Variants in SYN3 observed in about 807,000 individuals in gnomAD.
SYN3 encodes synapsin III, also known as synapsin-3.
Under a neutral mutation model 65.8 loss-of-function variants are expected in SYN3, and 35 were observed. The ratio of observed to expected loss-of-function variants is 0.53; its 90% CI spans 0.41 to 0.70. The LOEUF (loss-of-function observed/expected upper bound fraction) is 0.70. Ranked by LOEUF, SYN3 falls within the 30% of genes least tolerant of loss-of-function variation. The pLI, the probability that SYN3 is intolerant of heterozygous loss-of-function variation, is 0.00. For missense variants in SYN3, 680 were observed against 749.0 expected, an observed-to-expected ratio of 0.91 and a Z score of 1.08; for synonymous variants, 270 against 292.9, an observed-to-expected ratio of 0.92 and a Z score of 0.80.
chr22:33,012,060 C>A (rs1033159213), intron 1 of SYN3, among the ~76,000 whole-genome samples: 23 of 152,136 alleles, frequency 1.5e-4, no homozygotes, highest in African/African-American at 5.5e-4. Flanking sequence ...TTTATTACTT[C>A]CTTTCTTCTC....
intron 3 of SYN3, among the ~76,000 whole-genome samples, chr22:32,954,504 T>C (rs887071461): frequency 5.9e-5 from 9 of 152,278 alleles, no homozygotes; most frequent in African/African-American, 2.2e-4. Context: ...GTCCCATTGC[T>C]ATGAGCTGGG....
intron 6 of SYN3, among the ~76,000 whole-genome samples, chr22:32,762,590 G>A (rs2045512547): frequency 6.6e-6 from 1 of 151,802 alleles, no homozygotes; most frequent in Admixed American, 6.6e-5. Flanking sequence ...AGACCTTGGG[G>A]AGGTCACTTC....
chr22:32,553,901 G>T (rs889046359), intron 7 of SYN3, among the ~76,000 whole-genome samples: 1 of 152,292 alleles, frequency 6.6e-6, no homozygotes, highest in Non-Finnish European at 1.5e-5. Context: ...TGGGAGAAAG[G>T]CTGGCTTTGA....
intron 6 of SYN3, among the ~76,000 whole-genome samples, chr22:32,769,580 G>A (rs999114749): frequency 6.0e-5 from 9 of 150,070 alleles, no homozygotes; most frequent in South Asian, 2.1e-4. Context: ...ACAGTGGCGC[G>A]ATCTCGGCTC....
intron 1 of SYN3, among the ~76,000 whole-genome samples, chr22:33,038,808 G>A (rs533822772): frequency 8.5e-4 from 130 of 152,238 alleles, no homozygotes; most frequent in Non-Finnish European, 4.0e-4. Flanking sequence ...AGCAGCTCTC[G>A]CACCCCTAAA....
chr22:32,756,817 C>T (rs973662358), intron 6 of SYN3, among the ~76,000 whole-genome samples: 2 of 152,192 alleles, frequency 1.3e-5, no homozygotes, highest in Non-Finnish European at 2.9e-5. Context: ...CCTGCAGAAC[C>T]ATGAGCCAGT....
chr22:32,804,463 T>G (rs1484240673), intron 6 of SYN3, among the ~76,000 whole-genome samples: 1 of 152,210 alleles, frequency 6.6e-6, no homozygotes, highest in Non-Finnish European at 1.5e-5. Context: ...CAGTCAACTT[T>G]GTAGCCCCCT....
intron 3 of SYN3, among the ~76,000 whole-genome samples, chr22:32,963,288 T>A (rs1192948637): frequency 6.8e-6 from 1 of 147,422 alleles, no homozygotes; most frequent in Non-Finnish European, 1.5e-5. Flanking sequence ...GGTTTCACCA[T>A]GTTGACCAGG....
At chr22:32,858,857 A>T (rs1381418537) in intron 6 of SYN3, among the ~76,000 whole-genome samples, 1 of 152,072 alleles carries the variant, frequency 6.6e-6, no homozygotes, top group African/African-American at 2.4e-5. Context: ...AACAACTGAG[A>T]TCTCCCACCT....
At chr22:32,565,497 C>G (rs1022203095) in intron 7 of SYN3, among the ~76,000 whole-genome samples, 1 of 149,570 alleles carries the variant, frequency 6.7e-6, no homozygotes. Context: ...AATATAAATT[C>G]ATACATAAAA....
intron 1 of SYN3, among the ~76,000 whole-genome samples, chr22:33,013,857 A>C (rs2053407266): frequency 1.3e-5 from 2 of 152,132 alleles, no homozygotes; most frequent in South Asian, 4.2e-4. Context: ...CACTTAGCAT[A>C]ATGTTCTTCA....
chr22:33,015,839 TC>T (rs2053453806), intron 1 of SYN3, among the ~76,000 whole-genome samples: 1 of 139,996 alleles, frequency 7.1e-6, no homozygotes, highest in Non-Finnish European at 1.6e-5. Flanking sequence ...AGGCAAATTT[TC>T]TTTTCTTTTT....
chr22:32,958,356 C>T (rs2051532395), intron 3 of SYN3, among the ~76,000 whole-genome samples: 1 of 152,202 alleles, frequency 6.6e-6, no homozygotes, highest in South Asian at 2.1e-4. Flanking sequence ...CTTTCTGCAT[C>T]TTCACACTTG....
intron 6 of SYN3, among the ~76,000 whole-genome samples, chr22:32,763,178 A>G (rs1602088894): frequency 1.3e-5 from 2 of 150,748 alleles, no homozygotes; most frequent in Middle Eastern, 6.8e-3. Context: ...ATGGAGTCTC[A>G]CTCTGTCGCC....
chr22:32,596,196 C>A (rs2059196662), intron 7 of SYN3, among the ~76,000 whole-genome samples: 1 of 152,192 alleles, frequency 6.6e-6, no homozygotes. Flanking sequence ...CTGAGGCCTC[C>A]CCAGCCATGC....
intron 1 of SYN3, among the ~76,000 whole-genome samples, chr22:33,028,670 G>GTGGTGATGGTGGTGGTGA: frequency 8.5e-6 from 1 of 118,026 alleles, no homozygotes; most frequent in East Asian, 2.8e-4. Flanking sequence ...GGTGGTGGTG[G>GTGGTGATGGTGGTGGTGA]TGGTGGTGGT....
At chr22:32,885,156 G>A (rs1336799218) in intron 4 of SYN3, among the ~76,000 whole-genome samples, 1 of 102,782 alleles carries the variant, frequency 9.7e-6, no homozygotes, top group Non-Finnish European at 2.1e-5. Context: ...CCATGGAGTT[G>A]GGTGCAAAAA....
At chr22:32,965,566 G>A (rs1335820838) in intron 3 of SYN3, among the ~76,000 whole-genome samples, 1 of 151,894 alleles carries the variant, frequency 6.6e-6, no homozygotes, top group African/African-American at 2.4e-5. Context: ...GTGTGTGTGT[G>A]TGTGTGTGTG....
chr22:32,831,438 T>A (rs1012623620), intron 6 of SYN3, among the ~76,000 whole-genome samples: 10 of 152,140 alleles, frequency 6.6e-5, no homozygotes, highest in African/African-American at 1.9e-4. Context: ...CAAAGCCAGA[T>A]GATCAGGGCA....
Sources: gnomAD v4.1 joint callset for allele counts (sites outside exome capture counted in the v4.1 genomes callset) on GRCh38, gnomAD v4.1.1 for gene constraint, MANE v1.5 for transcripts, NCBI Gene and HGNC (gene_info 2026-07-23, HGNC 2026-07-21) for gene names.